Variants in NALF1 observed in about 807,000 individuals in gnomAD.
The protein encoded by NALF1 is family with sequence similarity 155 member A.
A neutral mutation model predicts 48.4 loss-of-function variants in NALF1; 3 were observed. That is an observed-to-expected ratio of 0.06 (90% confidence interval 0.03 to 0.16). The LOEUF (loss-of-function observed/expected upper bound fraction) is 0.16, where lower values mean the gene tolerates loss of function less well. NALF1 is among the 10% of genes least tolerant of loss of function. The probability of loss-of-function intolerance (pLI) is 1.00; values close to 1 mark genes in which losing one functional copy is unlikely to be tolerated. For missense variants in NALF1, 526 were observed against 571.5 expected (o/e 0.92, Z 0.81); for synonymous variants, 262 against 245.7 (o/e 1.07, Z -0.62).
chr13:107,586,563 A>G (rs976095859), intron 1 of NALF1, among the ~76,000 whole-genome samples: 1 of 145,414 alleles, frequency 6.9e-6, no homozygotes, highest in African/African-American at 2.6e-5. Flanking sequence ...CTCAACTTGT[A>G]TTTTAGGAAT....
At chr13:107,704,686 A>C (rs1157157077) in intron 1 of NALF1, among the ~76,000 whole-genome samples, 1 of 152,160 alleles carries the variant, frequency 6.6e-6, no homozygotes, top group Non-Finnish European at 1.5e-5. Context: ...AACTATCTGC[A>C]TGGCTACAGT....
At chr13:107,341,880 AAC>A (rs57041785) in intron 1 of NALF1, among the ~76,000 whole-genome samples, 24,700 of 146,438 alleles carry the variant, frequency 0.17, 2,054 homozygotes, top group Non-Finnish European at 0.19. Context: ...TGCACATGCA[AAC>A]ACACACACAC....
At chr13:107,295,891 T>G (rs916349982) in intron 1 of NALF1, among the ~76,000 whole-genome samples, 2 of 152,246 alleles carry the variant, frequency 1.3e-5, no homozygotes, top group African/African-American at 4.8e-5. Context: ...AAACTACTGG[T>G]TATTCCAGCT....
intron 1 of NALF1, among the ~76,000 whole-genome samples, chr13:107,297,324 T>C (rs1274946757): frequency 6.6e-6 from 1 of 152,170 alleles, no homozygotes; most frequent in Non-Finnish European, 1.5e-5. Flanking sequence ...AATTTGATAA[T>C]GAAAAGAAAC....
chr13:107,194,967 T>A (rs1236412633), intron 2 of NALF1, among the ~76,000 whole-genome samples: 1 of 152,172 alleles, frequency 6.6e-6, no homozygotes, highest in Non-Finnish European at 1.5e-5. Flanking sequence ...TAAGAAAACC[T>A]GCTCAACATC....
intron 1 of NALF1, among the ~76,000 whole-genome samples, chr13:107,397,643 T>A (rs961499031): frequency 2.0e-5 from 3 of 151,204 alleles, no homozygotes; most frequent in Non-Finnish European, 4.4e-5. Context: ...ACATTTTGAT[T>A]TTTTTTTTAT....
In NALF1 at chr13:107,170,720, G is replaced by A. The variant is rs201932258; in HGVS notation, c.1154C>T (p.Ser385Leu). The change falls in exon 3 of 3, where the codon TCA becomes TTA. Residue 385 changes from serine (S) to leucine (L), a missense_variant. Around this residue, in one of 2 missense-constraint regions of NALF1, gnomAD observed 153 missense variants for 215.9 expected, o/e 0.71. Coordinates refer to ENST00000375915, the MANE Select transcript of NALF1 (RefSeq NM_001080396.3). Reference protein sequence around the residue: ...ECCDVRREEKSNNPSKGTVEK... With the variant: ...ECCDVRREEKLNNPSKGTVEK... ...TACGGTCCCTTTGGATGGGTTATTT[G>A]ATTTTTCTTCTCTCCTGACGTCACA... 5.0e-6 allele frequency: 8 copies of A among 1,614,034 alleles called. No homozygotes were observed.
intron 1 of NALF1, among the ~76,000 whole-genome samples, chr13:107,484,020 T>C (rs969428853): frequency 6.6e-6 from 1 of 152,058 alleles, no homozygotes. Context: ...ATTCACCGTT[T>C]AACAGCAAGT....
At chr13:107,241,346 A>T (rs1402207273) in intron 1 of NALF1, among the ~76,000 whole-genome samples, 1 of 152,192 alleles carries the variant, frequency 6.6e-6, no homozygotes, top group Non-Finnish European at 1.5e-5. Flanking sequence ...CGAGCACCAC[A>T]CAGTGATGTG....
chr13:107,402,726 A>G (rs778608393), intron 1 of NALF1, among the ~76,000 whole-genome samples: 15 of 152,278 alleles, frequency 9.9e-5, no homozygotes, highest in South Asian at 2.1e-4. Flanking sequence ...TGTGCAAAGA[A>G]TTTAACCTCT....
chr13:107,584,474 A>C (rs112961120), intron 1 of NALF1, among the ~76,000 whole-genome samples: 1,872 of 152,314 alleles, frequency 0.012, 14 homozygotes, highest in Non-Finnish European at 0.02. Flanking sequence ...CTGCAGTTTA[A>C]CATCATAAAT....
chr13:107,696,551 AGTGT>A (rs58345595), intron 1 of NALF1, among the ~76,000 whole-genome samples: 51,712 of 146,688 alleles, frequency 0.35, 9,220 homozygotes, highest in East Asian at 0.42. Context: ...CTCCAAGTTG[AGTGT>A]GTGTGTGTGT....
chr13:107,780,121 T>C (rs962765128), intron 1 of NALF1, among the ~76,000 whole-genome samples: 1 of 152,044 alleles, frequency 6.6e-6, no homozygotes, highest in African/African-American at 2.4e-5. Flanking sequence ...AAACATTTGT[T>C]TGTGGCCCGT....
intron 1 of NALF1, among the ~76,000 whole-genome samples, chr13:107,395,371 G>C (rs1796295771): frequency 6.6e-6 from 1 of 152,128 alleles, no homozygotes. Flanking sequence ...AGGCAGTAAT[G>C]GCCTCATTCA....
intron 1 of NALF1, among the ~76,000 whole-genome samples, chr13:107,721,331 T>C (rs1378022807): frequency 6.6e-6 from 1 of 152,088 alleles, no homozygotes; most frequent in African/African-American, 2.4e-5. Flanking sequence ...TATCCAGCCC[T>C]CACAGTCCAG....
chr13:107,725,340 G>T (rs987550898), intron 1 of NALF1, among the ~76,000 whole-genome samples: 1 of 152,044 alleles, frequency 6.6e-6, no homozygotes, highest in African/African-American at 2.4e-5. Flanking sequence ...TAATATCTAT[G>T]ATGTGCTGTG....
intron 1 of NALF1, among the ~76,000 whole-genome samples, chr13:107,297,694 A>T (rs1452981149): frequency 3.9e-5 from 6 of 152,232 alleles, no homozygotes; most frequent in East Asian, 1.9e-4. Context: ...AACTGAAGTT[A>T]AACCCACTTA....
At chr13:107,558,297 A>C (rs1264885783) in intron 1 of NALF1, among the ~76,000 whole-genome samples, 1 of 151,912 alleles carries the variant, frequency 6.6e-6, no homozygotes, top group Non-Finnish European at 1.5e-5. Context: ...CTAATTGTAC[A>C]TTATTATTTA....
chr13:107,565,073 A>AAAAC (rs1877759283), intron 1 of NALF1, among the ~76,000 whole-genome samples: 1 of 149,790 alleles, frequency 6.7e-6, no homozygotes, highest in East Asian at 1.9e-4. Context: ...TGCAAAAAAA[A>AAAAC]AAAAAAAAAA....
Sources: gnomAD v4.1 joint callset for allele counts (sites outside exome capture counted in the v4.1 genomes callset) on GRCh38, gnomAD v4.1.1 for gene constraint, gnomAD v4.1.1 regional missense constraint, MANE v1.5 for transcripts, NCBI Gene and HGNC (gene_info 2026-07-23, HGNC 2026-07-21) for gene names.